RNF213: variants seen among roughly 807,000 people sequenced by gnomAD.
RNF213 encodes E3 ubiquitin-protein ligase RNF213.
RNF213 carries 341 observed loss-of-function variants against 514.4 expected under a neutral mutation model. The observed-to-expected ratio is 0.66, with a 90% CI of 0.61 to 0.73. The LOEUF (loss-of-function observed/expected upper bound fraction) is 0.73, where lower values mean the gene tolerates loss of function less well. Among genes scored for constraint, RNF213 ranks in the 30% least tolerant of loss-of-function variants. The pLI is 0.00. For synonymous variants in RNF213, 2,655 were observed against 2,658.2 expected (o/e 1.00, Z 0.04); for missense variants, 5,767 against 6,615.6 (o/e 0.87, Z 4.45).
At chr17:80,382,653 G>A (rs2080065896) in intron 57 of RNF213, 2 of 350,898 alleles carry the variant, frequency 5.7e-6, no homozygotes, top group Non-Finnish European at 1.1e-5. Flanking sequence ...CAGGGTTTGG[G>A]TGGCAGCAGC....
intron 64 of RNF213, 100 bp downstream of exon 64, chr17:80,388,789 T>C: frequency 1.1e-6 from 1 of 950,922 alleles, no homozygotes; most frequent in Non-Finnish European, 1.7e-6. Context: ...GGGTGTTTGC[T>C]GTGAGCCCAC....
At position 80,388,634 on chromosome 17, in the gene RNF213, G is replaced by T; in HGVS notation, c.14945G>T (p.Arg4982Ile). The T allele has an allele frequency of 6.2e-7, 1 of 1,612,516 alleles. No individual in the cohort carries two copies. The highest frequency in any genetic ancestry group is 8.5e-7 in the Non-Finnish European group (1 of 1,178,926). The change falls in exon 64 of 68, where the codon AGA becomes ATA. Residue 4982 changes from arginine to isoleucine, a missense_variant. Transcript: ENST00000582970. ...SLKGIPTLVY[R>I]HDWNYEHLFM... ...TAGGGAATACCCACTCTGGTGTACA[G>T]ACACGACTGGAACTATGAACATCTC...
chr17:80,300,584 C>T (rs1246024602), intron 11 of RNF213, among the ~76,000 whole-genome samples: 2 of 149,456 alleles, frequency 1.3e-5, no homozygotes, highest in African/African-American at 2.5e-5. Context: ...GATGGAGTTT[C>T]GCTTTATCAC....
Position 80,295,772 on chromosome 17 carries a change from G to A in RNF213, c.1971G>A (p.Glu657=). 6.2e-7 allele frequency: 1 copy of A among 1,614,152 alleles called. No individual in the cohort carries two copies. The highest frequency in any genetic ancestry group is 8.5e-7 in the Non-Finnish European group (1 of 1,180,032). Reference sequence around the variant, plus strand: ...CCTCAGATGCCAGCTCACCAGATGAGTTTCACCGTGACCTAAGCCACATCC... The same window carrying A: ...CCTCAGATGCCAGCTCACCAGATGAATTTCACCGTGACCTAAGCCACATCC... ...LLTSDASSPD[E]FHRDLSHILG... Residue 657 remains glutamate (E), a synonymous_variant, in exon 10 of 68, where the codon GAG becomes GAA. Coordinates refer to ENST00000582970, the MANE Select transcript of RNF213 (RefSeq NM_001256071.3).
chr17:80,296,456 C>T (rs1171382936), intron 10 of RNF213, among the ~76,000 whole-genome samples: 2 of 152,304 alleles, frequency 1.3e-5, no homozygotes, highest in South Asian at 2.1e-4. Context: ...AATGTTCTCC[C>T]CATGCCCCTG....
chr17:80,346,373 C>T lies in RNF213; in HGVS notation c.8038C>T (p.Pro2680Ser). The change falls in exon 29 of 68, where the codon CCC (proline) becomes TCC (serine). Residue 2680 changes from proline to serine, a missense_variant. Coordinates refer to ENST00000582970, the MANE Select transcript of RNF213 (RefSeq NM_001256071.3). This position sits in a 1 kb window ranked among gnomAD's most constrained non-coding sequence, Gnocchi z 8.1. ...CAGCAAAAATCACACCGAGAGAGAT[C>T]CCGTCCTCTGGTCGTTGATGCTGGC... ...SVSKNHTERD[P>S]VLWSLMLAIG... The T allele has an allele frequency of 1.9e-6, 3 of 1,613,494 alleles. No individual in the cohort carries two copies. The highest frequency in any genetic ancestry group is 2.5e-6 in the Non-Finnish European group (3 of 1,180,000).
chr17:80,376,850 T>TC, intron 52 of RNF213, 32 bp from the exon 53 acceptor site: 1 of 1,587,880 alleles, frequency 6.3e-7, no homozygotes, highest in Non-Finnish European at 8.6e-7. Flanking sequence ...AGCTCACTTA[T>TC]CTAGAGCTGT....
Position 80,344,873 on chromosome 17 carries a change from C to G in RNF213, c.6538C>G (p.Leu2180Val), listed in dbSNP as rs762169854. The G allele has an allele frequency of 1.2e-6, 2 of 1,614,060 alleles. No homozygotes were observed. Among genetic ancestry groups the G allele is most frequent in the South Asian group, 2.2e-5 (2 of 91,094 alleles). Residue 2180 changes from leucine to valine, a missense_variant, in exon 29 of 68, where the codon CTA (leucine) becomes GTA (valine). Around this residue, in one of 13 missense-constraint regions of RNF213, gnomAD observed 1,377 missense variants for 1,635.2 expected, o/e 0.84. Transcript: ENST00000582970. ...YLRRFNQNQD[L>V]DTFQYQEGSV... The stretch of plus-strand genomic sequence containing the variant: ...AAGACGATTCAATCAAAACCAAGAC[C>G]TAGACACGTTTCAGTATCAAGAAGG...
intron 67 of RNF213, among the ~76,000 whole-genome samples, chr17:80,392,356 T>C (rs1285521982): frequency 6.6e-6 from 1 of 152,222 alleles, no homozygotes; most frequent in Non-Finnish European, 1.5e-5. Flanking sequence ...ATGTGAAACA[T>C]GTAATAGAAT....
chr17:80,377,767 C>T lies in RNF213; in HGVS notation c.13516C>T (p.Pro4506Ser). 1 of 1,614,150 alleles carries T rather than the reference C, an allele frequency of 6.2e-7. No individual in the cohort carries two copies. The highest frequency in any genetic ancestry group is 2.2e-5 in the East Asian group (1 of 44,888). The change falls in exon 54 of 68, where the codon CCC (proline) becomes TCC (serine). Residue 4506 changes from proline (P) to serine (S), a missense_variant. This residue lies in a region of RNF213 where 1,245 missense variants were observed against 1,339.0 expected (regional missense o/e 0.93). Coordinates refer to ENST00000582970, the MANE Select transcript of RNF213 (RefSeq NM_001256071.3). This position sits in a 1 kb window ranked among gnomAD's most constrained non-coding sequence, Gnocchi z 4.1. Reference sequence around the variant, plus strand: ...GTGTCCTGTTCTCTTCACAGCTTGTCCCAACGGCCATCCTTGCTCCGTGGG... The same window carrying T: ...GTGTCCTGTTCTCTTCACAGCTTGTTCCAACGGCCATCCTTGCTCCGTGGG... ...GLERVHWYTC[P>S]NGHPCSVGEC...
In RNF213 at chr17:80,337,626, A is replaced by T; in HGVS notation, c.4568A>T (p.Asn1523Ile). The T allele has an allele frequency of 6.5e-7, 1 of 1,537,280 alleles. No homozygotes were observed. The highest frequency in any genetic ancestry group is 8.7e-7 in the Non-Finnish European group (1 of 1,146,922). ...AACTTGGAATGGCTGAAGACTGTGAATGAGAGTCATGGGTCTGTGGAACGC... is the reference window on the plus strand; with the variant it reads ...AACTTGGAATGGCTGAAGACTGTGATTGAGAGTCATGGGTCTGTGGAACGC... Reference protein sequence around the residue: ...ARNLEWLKTVNESHGSVERSS... With the variant: ...ARNLEWLKTVIESHGSVERSS... Residue 1523 changes from asparagine to isoleucine, a missense_variant, in exon 24 of 68, where the codon AAT becomes ATT. Asn to Ile is a moderately radical substitution (Grantham distance 149). Around this residue, in one of 13 missense-constraint regions of RNF213, gnomAD observed 1,377 missense variants for 1,635.2 expected, o/e 0.84. Coordinates refer to ENST00000582970, the MANE Select transcript of RNF213 (RefSeq NM_001256071.3).
intron 2 of RNF213, among the ~76,000 whole-genome samples, chr17:80,271,775 A>G (rs1419819204): frequency 6.6e-6 from 1 of 151,318 alleles, no homozygotes; most frequent in Non-Finnish European, 1.5e-5. Context: ...TCAGGAGTTC[A>G]AGACCAGCCT....
intron 8 of RNF213, among the ~76,000 whole-genome samples, chr17:80,292,494 T>A (rs2044768114): frequency 6.6e-6 from 1 of 152,196 alleles, no homozygotes; most frequent in African/African-American, 2.4e-5. Flanking sequence ...AGGAGGCCAC[T>A]GGGACTTGTC....
At position 80,337,977 on chromosome 17, in the gene RNF213, G is replaced by A. The variant is rs1373906433; in HGVS notation, c.4813G>A (p.Glu1605Lys). The A allele has an allele frequency of 1.3e-6, 2 of 1,537,302 alleles. No homozygotes were observed. The highest frequency in any genetic ancestry group is 1.7e-6 in the Non-Finnish European group (2 of 1,146,928). The change falls in exon 25 of 68, where the codon GAA (glutamate) becomes AAA (lysine). Residue 1605 changes from glutamate to lysine, a missense_variant. Coordinates refer to ENST00000582970, the MANE Select transcript of RNF213 (RefSeq NM_001256071.3). ...TGGCAAGAAGGATCGTAACAACACG[G>A]AAGTGGAGAGGTTTTCAGAGGTGAG... is the stretch of plus-strand genomic sequence containing the variant. ...MSGKKDRNNT[E>K]VERFSEVFCS...
At chr17:80,369,922 G>A (rs1177955595) in intron 46 of RNF213, 55 bp downstream of exon 46, 32 of 1,233,502 alleles carry the variant, frequency 2.6e-5, no homozygotes, top group East Asian at 1.6e-4. Flanking sequence ...TCTCTTCATC[G>A]CAGCGTTTTG....
chr17:80,358,261 G>A, intron 36 of RNF213, 27 bp from the exon 37 acceptor site: 1 of 1,611,336 alleles, frequency 6.2e-7, no homozygotes, highest in Non-Finnish European at 8.5e-7. Flanking sequence ...CTGACCCGTG[G>A]TGGCCCATCT....
chr17:80,338,035 T>G, intron 25 of RNF213, 38 bp downstream of exon 25: 1 of 1,536,770 alleles, frequency 6.5e-7, no homozygotes, highest in Non-Finnish European at 8.7e-7. Flanking sequence ...AAGCTGGTGG[T>G]GTCATCTCGT....
At chr17:80,265,036 G>GTT (rs140687760) in intron 2 of RNF213, among the ~76,000 whole-genome samples, 4 of 133,204 alleles carry the variant, frequency 3.0e-5, no homozygotes, top group African/African-American at 6.2e-5. Context: ...GTCCTTCCAT[G>GTT]TTTGTTTGTT....
chr17:80,289,874 GC>G, intron 6 of RNF213, 37 bp downstream of exon 6: 1 of 1,574,838 alleles, frequency 6.3e-7, no homozygotes, highest in Non-Finnish European at 8.6e-7. Flanking sequence ...AGGAGACCCT[GC>G]CTGAGAGCCC....
Sources: gnomAD v4.1 joint callset for allele counts (sites outside exome capture counted in the v4.1 genomes callset) on GRCh38, gnomAD v4.1.1 for gene constraint, gnomAD v4.1.1 regional missense constraint, Gnocchi (gnomAD v3.1) non-coding constraint, MANE v1.5 for transcripts, NCBI Gene and HGNC (gene_info 2026-07-23, HGNC 2026-07-21) for gene names.